The following ALX3 variants were observed in gnomAD, a reference collection of about 807,000 sequenced individuals.
ALX3 encodes the protein ALX homeobox 3.
Under a neutral mutation model 26.3 loss-of-function variants are expected in ALX3, and 17 were observed. The ratio of observed to expected loss-of-function variants is 0.65; its 90% CI spans 0.44 to 0.97. ALX3 has a LOEUF of 0.97. ALX3 is among the 50% of genes least tolerant of loss of function. ALX3 has a pLI of 0.00. For synonymous variants in ALX3, 208 were observed against 201.4 expected (o/e 1.03, Z -0.28); for missense variants, 461 against 466.5 (o/e 0.99, Z 0.11).
At chr1:110,061,187 C>T in intron 3 of ALX3, 146 bp from the exon 4 acceptor site, 1 of 1,055,864 alleles carries the variant, frequency 9.5e-7, no homozygotes, top group Non-Finnish European at 1.4e-6. Flanking sequence ...TCACCCCCAA[C>T]ACTGGCAGTG....
intron 1 of ALX3, among the ~76,000 whole-genome samples, chr1:110,067,765 G>T (rs942033941): frequency 9.8e-5 from 15 of 152,370 alleles, no homozygotes; most frequent in Admixed American, 2.0e-4. Flanking sequence ...GGCTCCTGCA[G>T]CTCCCGCCGA....
intron 2 of ALX3, chr1:110,061,764 G>A: frequency 1.3e-6 from 1 of 781,866 alleles, no homozygotes; most frequent in South Asian, 1.9e-5. Flanking sequence ...CCCACAGTGG[G>A]TAATTGGCCC....
At position 110,060,548 on chromosome 1, in the gene ALX3, T is replaced by G. The variant is rs1653605851; in HGVS notation, c.*185A>C. ...GTCCTGGCTGCTTCGAAGCCCCTTC[T>G]CCTAGGCAGCCCCACCTTGTTCTAA... On this transcript the variant is annotated 3_prime_UTR_variant, in exon 4 of 4. Coordinates refer to ENST00000647563, the MANE Select transcript of ALX3 (RefSeq NM_006492.3). 7.0e-6 allele frequency: 3 copies of G among 430,802 alleles called. No individual in the cohort carries two copies. The Admixed American group carries it at 1.3e-4, about 18-fold the overall frequency. 26.7% of individuals were successfully genotyped at this position (430,802 alleles called of 1,614,324 possible).
rs1653621861 is a variant in ALX3 at position 110,060,902 on chromosome 1, G to A, written c.863C>T (p.Pro288Leu). The change falls in exon 4 of 4, where the codon CCA becomes CTA. Residue 288 changes from proline to leucine, a missense_variant. Transcript: ENST00000647563. ...GCCAGGGTGAGCCGCAGAAGGGGCT[G>A]GCACCCCCATGAAGCCAGCCACACT... Reference protein sequence around the residue: ...HGSVAGFMGVPAPSAAHPGIY... With the variant: ...HGSVAGFMGVLAPSAAHPGIY... The A allele has an allele frequency of 6.2e-7, 1 of 1,613,562 alleles. No homozygotes were observed. The highest frequency in any genetic ancestry group is 1.3e-5 in the African/African-American group (1 of 75,018).
In ALX3 at chr1:110,064,740, G is replaced by A. The variant is rs1178569554; in HGVS notation, c.441C>T (p.Ala147=). 1 of 1,614,224 alleles carries A rather than the reference G, an allele frequency of 6.2e-7. No individual in the cohort carries two copies. The highest frequency in any genetic ancestry group is 8.5e-7 in the Non-Finnish European group (1 of 1,180,044). ...SPGLPDSMEL[A]KNKSKKRRNR... is the part of the protein sequence containing the mutation. ...TACGACGCTTCTTGCTCTTGTTCTT[G>A]GCCAACTCCATGGAGTCAGGGAGTC... Residue 147 remains alanine, a synonymous_variant, in exon 2 of 4, where the codon GCC becomes GCT. Transcript: ENST00000647563.
intron 1 of ALX3, among the ~76,000 whole-genome samples, chr1:110,068,035 C>A (rs1653830755): frequency 6.6e-6 from 1 of 152,198 alleles, no homozygotes; most frequent in South Asian, 2.1e-4. Context: ...CAAGCGCGGA[C>A]GGCGCGAGAG....
In ALX3 at chr1:110,064,775, G is replaced by C; in HGVS notation, c.406C>G (p.Leu136Val). ...ATGGAGTCAGGGAGTCCCGGGGAAA[G>C]AGGAAGATGCAGGCTGGCCAGGCAG... ...GPCLASLHLP[L>V]SPGLPDSMEL... The change falls in exon 2 of 4, where the codon CTT becomes GTT. Residue 136 changes from leucine (L) to valine (V), a missense_variant. Around this residue, in one of 3 missense-constraint regions of ALX3, gnomAD observed 241 missense variants for 206.1 expected, o/e 1.17. Transcript: ENST00000647563. 6.2e-7 allele frequency: 1 copy of C among 1,614,266 alleles called. No individual in the cohort carries two copies. The highest frequency in any genetic ancestry group is 8.5e-7 in the Non-Finnish European group (1 of 1,180,052).
chr1:110,067,996 C>A (rs1316800109), intron 1 of ALX3, among the ~76,000 whole-genome samples: 1 of 111,238 alleles, frequency 9.0e-6, no homozygotes, highest in Non-Finnish European at 1.8e-5. Context: ...CGTGTTTCGA[C>A]GTCAGAGCCA....
intron 2 of ALX3, among the ~76,000 whole-genome samples, chr1:110,064,018 T>C (rs1294454843): frequency 6.7e-6 from 1 of 149,520 alleles, no homozygotes; most frequent in Non-Finnish European, 1.5e-5. Context: ...CCAGCCAGCC[T>C]TTCCCAGCCA....
At chr1:110,066,768 A>G (rs1441433062) in intron 1 of ALX3, among the ~76,000 whole-genome samples, 1 of 152,138 alleles carries the variant, frequency 6.6e-6, no homozygotes, top group Non-Finnish European at 1.5e-5. Context: ...ATCCTGGCAG[A>G]GGCCCTCCAA....
intron 2 of ALX3, among the ~76,000 whole-genome samples, chr1:110,063,243 G>A (rs1453324108): frequency 6.6e-6 from 1 of 152,224 alleles, no homozygotes; most frequent in East Asian, 1.9e-4. Flanking sequence ...ACACCCCGGA[G>A]GCCTGCTGAG....
chr1:110,061,210 G>GC (rs1653633799), intron 3 of ALX3, 169 bp from the exon 4 acceptor site: 1 of 985,022 alleles, frequency 1.0e-6, no homozygotes, highest in African/African-American at 1.6e-5. Context: ...ATCTCAGGAG[G>GC]CCCCTGCCAC....
chr1:110,061,692 T>C, intron 2 of ALX3, 129 bp from the exon 3 acceptor site: 1 of 1,387,464 alleles, frequency 7.2e-7, no homozygotes. Context: ...GGATCTCAAC[T>C]GTTAATCCAC....
chr1:110,068,130 C>A (rs1167408838), intron 1 of ALX3, among the ~76,000 whole-genome samples: 1 of 152,222 alleles, frequency 6.6e-6, no homozygotes, highest in Non-Finnish European at 1.5e-5. Flanking sequence ...GCGCGGGCGG[C>A]GGACTGCAGG....
chr1:110,061,719 G>GGGAAGCCTGGGA (rs953835530), intron 2 of ALX3, 156 bp from the exon 3 acceptor site: 3 of 1,209,626 alleles, frequency 2.5e-6, no homozygotes, highest in Admixed American at 2.5e-5. Context: ...CTCCAGGCCA[G>GGGAAGCCTGGGA]GGAAGCCTGG....
chr1:110,069,290 G>C (rs1180246780), intron 1 of ALX3, among the ~76,000 whole-genome samples: 2 of 152,272 alleles, frequency 1.3e-5, no homozygotes, highest in Admixed American at 6.5e-5. Flanking sequence ...GGAGATGCCC[G>C]GCCACTCCGT....
intron 1 of ALX3, among the ~76,000 whole-genome samples, chr1:110,066,069 A>T (rs1653773932): frequency 6.6e-6 from 1 of 152,238 alleles, no homozygotes; most frequent in Admixed American, 6.5e-5. Flanking sequence ...GCTAGCTGGC[A>T]CAAGAGGCAG....
chr1:110,063,984 T>G (rs751387), intron 2 of ALX3, among the ~76,000 whole-genome samples: 100,369 of 151,672 alleles, frequency 0.66, 33,690 homozygotes, highest in East Asian at 0.81. Flanking sequence ...CCATGGGGGA[T>G]TTTGTTAGGA....
intron 2 of ALX3, 131 bp downstream of exon 2, chr1:110,064,456 G>T: frequency 8.9e-7 from 1 of 1,117,780 alleles, no homozygotes; most frequent in Non-Finnish European, 1.3e-6. Context: ...GGAGGGGAAG[G>T]CTGGTGCAGG....
Sources: gnomAD v4.1 joint callset for allele counts (sites outside exome capture counted in the v4.1 genomes callset) on GRCh38, gnomAD v4.1.1 for gene constraint, gnomAD v4.1.1 regional missense constraint, MANE v1.5 for transcripts, NCBI Gene and HGNC (gene_info 2026-07-23, HGNC 2026-07-21) for gene names.